EIF3CL: variants seen among roughly 807,000 people sequenced by gnomAD.
EIF3CL encodes the protein eukaryotic translation initiation factor 3 subunit C like.
For missense variants in EIF3CL, 5 were observed against 56.1 expected, an observed-to-expected ratio of 0.09 and a Z score of 2.91; for synonymous variants, 2 against 19.6, an observed-to-expected ratio of 0.10 and a Z score of 2.37.
At chr16:28,416,723 C>T in the EIF3CL span, among the ~76,000 whole-genome samples, 7 of 117,070 alleles carry the variant, frequency 6.0e-5, no homozygotes, top group Non-Finnish European at 7.5e-5. Context: ...GGAGCGTCTC[C>T]GCCCGGCAGC....
the EIF3CL span, among the ~76,000 whole-genome samples, chr16:28,415,523 G>A: frequency 1.4e-5 from 2 of 139,630 alleles, 1 homozygote; most frequent in Admixed American, 1.5e-4. Flanking sequence ...GCTGAGGAGG[G>A]TGGATCACTT....
At chr16:28,417,872 C>CAAAAAA in the EIF3CL span, among the ~76,000 whole-genome samples, 1 of 109,686 alleles carries the variant, frequency 9.1e-6, no homozygotes, top group African/African-American at 3.3e-5. Flanking sequence ...TTTAGGAATG[C>CAAAAAA]AAAAAAAAAA....
At chr16:28,414,209 C>CAA in the EIF3CL span, 1 of 370,792 alleles carries the variant, frequency 2.7e-6, no homozygotes, top group Non-Finnish European at 5.5e-6. Context: ...CCAGCCTGAC[C>CAA]AACATGGCGA....
At chr16:28,402,979 A>C (rs451596) in intron 2 of EIF3CL, among the ~76,000 whole-genome samples, 1 of 107,312 alleles carries the variant, frequency 9.3e-6, no homozygotes, top group Non-Finnish European at 2.0e-5. Context: ...AAAAAAGAAA[A>C]AAAAAAGGAA....
chr16:28,422,266 C>T, the EIF3CL span, among the ~76,000 whole-genome samples: 1 of 102,832 alleles, frequency 9.7e-6, no homozygotes, highest in Non-Finnish European at 2.2e-5. Flanking sequence ...GAGACGGAGT[C>T]TCGCTCTGTC....
In EIF3CL at chr16:28,391,861, T is replaced by A; in HGVS notation, c.940-6A>T. On this transcript the variant is annotated splice_polypyrimidine_tract_variant and splice_region_variant and intron_variant, in intron 9 of 20. Coordinates refer to ENST00000380876, the MANE Select transcript of EIF3CL (RefSeq NM_001317857.2). ...GCAAACATTTTTGGCTTCTCCTGTA[T>A]CAGTACATATCCCGTCATGTACATG... The A allele has an allele frequency of 6.9e-7, 1 of 1,444,904 alleles. No homozygotes were observed. The highest frequency in any genetic ancestry group is 9.4e-7 in the Non-Finnish European group (1 of 1,066,334). 89.5% of individuals were successfully genotyped at this position (1,444,904 alleles called of 1,614,324 possible).
chr16:28,416,932 A>T, the EIF3CL span, among the ~76,000 whole-genome samples: 17 of 82,618 alleles, frequency 2.1e-4, 1 homozygote, highest in Admixed American at 6.6e-4. Context: ...CTGGGAGGTG[A>T]GGGGCGCCTC....
At chr16:28,416,998 G>A in the EIF3CL span, among the ~76,000 whole-genome samples, 35 of 91,138 alleles carry the variant, frequency 3.8e-4, no homozygotes, top group African/African-American at 1.3e-3. Context: ...CAGCCGCCCC[G>A]TCCGGGAGGG....
the EIF3CL span, among the ~76,000 whole-genome samples, chr16:28,419,108 G>A: frequency 7.6e-5 from 11 of 145,246 alleles, no homozygotes; most frequent in Admixed American, 3.5e-4. Flanking sequence ...CTGGGTTCAC[G>A]CCATTCTCCT....
At chr16:28,423,873 G>A in the EIF3CL span, among the ~76,000 whole-genome samples, 38 of 117,602 alleles carry the variant, frequency 3.2e-4, 3 homozygotes, top group Non-Finnish European at 6.6e-4. Flanking sequence ...CCAGGCTGGA[G>A]TGCAGTGGCA....
chr16:28,423,823 A>AT, the EIF3CL span, among the ~76,000 whole-genome samples: 2 of 105,836 alleles, frequency 1.9e-5, 1 homozygote, highest in East Asian at 5.5e-4. Flanking sequence ...TATATTATAT[A>AT]TATATATATA....
the EIF3CL span, among the ~76,000 whole-genome samples, chr16:28,417,589 G>A: frequency 9.5e-6 from 1 of 105,028 alleles, no homozygotes; most frequent in Non-Finnish European, 2.0e-5. Context: ...GGTGCAAGAT[G>A]TGCTTTGTTA....
the EIF3CL span, chr16:28,414,663 G>A: frequency 9.1e-6 from 3 of 330,698 alleles, no homozygotes; most frequent in South Asian, 4.6e-5. Context: ...CTTCAAGGAC[G>A]AGCTGGAAGC....
At chr16:28,423,807 AAT>A in the EIF3CL span, among the ~76,000 whole-genome samples, 1 of 100,988 alleles carries the variant, frequency 9.9e-6, no homozygotes, top group African/African-American at 3.4e-5. Context: ...ATATATATAT[AAT>A]ATATATATTA....
At chr16:28,415,843 T>A in the EIF3CL span, among the ~76,000 whole-genome samples, 1 of 97,112 alleles carries the variant, frequency 1.0e-5, no homozygotes, top group Non-Finnish European at 2.1e-5. Context: ...TCCCTCTCCC[T>A]CTCCCTCTCC....
At chr16:28,419,163 C>A in the EIF3CL span, among the ~76,000 whole-genome samples, 4 of 149,672 alleles carry the variant, frequency 2.7e-5, no homozygotes, top group Non-Finnish European at 5.9e-5. Flanking sequence ...CCCGCCATCA[C>A]GCCTGGCTAA....
the EIF3CL span, among the ~76,000 whole-genome samples, chr16:28,418,059 G>C: frequency 1.3e-5 from 2 of 150,360 alleles, no homozygotes; most frequent in Admixed American, 6.6e-5. Context: ...AAAAAAAAAA[G>C]ATAGTAGTGT....
At chr16:28,417,314 T>G in the EIF3CL span, among the ~76,000 whole-genome samples, 1 of 145,688 alleles carries the variant, frequency 6.9e-6, no homozygotes, top group East Asian at 2.1e-4. Context: ...GTCTGGGAGG[T>G]GTGCCCAACA....
the EIF3CL span, among the ~76,000 whole-genome samples, chr16:28,422,587 A>G: frequency 0.011 from 1,581 of 138,178 alleles, no homozygotes; most frequent in African/African-American, 0.042. Context: ...AATACCCGCA[A>G]TCTGGGAGGC....
Sources: allele counts gnomAD v4.1 joint callset (sites outside exome capture counted in the v4.1 genomes callset), GRCh38; gene constraint gnomAD v4.1.1; transcripts MANE v1.5; gene names NCBI Gene and HGNC (gene_info 2026-07-23, HGNC 2026-07-21).